Variants in SPTBN1 observed in about 807,000 individuals in gnomAD.
SPTBN1 encodes the protein spectrin beta, non-erythrocytic 1.
SPTBN1 carries 32 observed loss-of-function variants against 266.4 expected under a neutral mutation model. The ratio of observed to expected loss-of-function variants is 0.12; its 90% CI spans 0.09 to 0.16. The LOEUF (loss-of-function observed/expected upper bound fraction) is 0.16. SPTBN1 is among the 10% of genes least tolerant of loss of function. The pLI is 1.00. For missense variants in SPTBN1, 2,296 were observed against 3,067.1 expected, an observed-to-expected ratio of 0.75 and a Z score of 5.94; for synonymous variants, 1,336 against 1,162.2, an observed-to-expected ratio of 1.15 and a Z score of -3.04.
At chr2:54,632,432 A>T in intron 16 of SPTBN1, 134 bp from the exon 17 acceptor site, 1 of 992,108 alleles carries the variant, frequency 1.0e-6, no homozygotes, top group Non-Finnish European at 1.5e-6. Flanking sequence ...CTAACTTTTA[A>T]TTTGATGTGA....
intron 2 of SPTBN1, among the ~76,000 whole-genome samples, chr2:54,578,744 G>A (rs982839039): frequency 3.7e-5 from 5 of 134,144 alleles, no homozygotes; most frequent in African/African-American, 1.6e-4. Context: ...AGTGTCTTCT[G>A]ATGGGGTGTG....
chr2:54,524,326 A>G (rs1488114701), intron 1 of SPTBN1, among the ~76,000 whole-genome samples: 1 of 152,172 alleles, frequency 6.6e-6, no homozygotes, highest in African/African-American at 2.4e-5. Context: ...ATAGCTTCAT[A>G]TGCCTGACTG....
rs192131700 is a variant in SPTBN1, at chr2:54,557,734, C to T, written c.148+31168C>T. The T allele has an allele frequency of 3.7e-5, 36 of 985,434 alleles. 1 individual carries two copies. In the Admixed American group the frequency reaches 4.9e-4, roughly 13 times the overall value. 61.0% of individuals were successfully genotyped at this position (985,434 alleles called of 1,614,324 possible). A position where few individuals can be genotyped will look rare whatever the true frequency, so the allele number is the denominator to read the frequency against. Reference sequence around the variant, plus strand: ...CCATAAATCTTCCTTGCGTCGAATTCCTATCATAGGCCCGTGTTATTCCAG... The same window carrying T: ...CCATAAATCTTCCTTGCGTCGAATTTCTATCATAGGCCCGTGTTATTCCAG... On this transcript the variant is annotated intron_variant, in intron 2 of 35. Transcript: ENST00000356805.
At chr2:54,546,445 C>G (rs979106356) in intron 2 of SPTBN1, 1 of 152,178 alleles carries the variant, frequency 6.6e-6, no homozygotes, top group Non-Finnish European at 1.5e-5. Context: ...TACACACACT[C>G]CTAAGTTGTG....
At chr2:54,594,886 G>A (rs930412475) in intron 2 of SPTBN1, among the ~76,000 whole-genome samples, 2 of 135,030 alleles carry the variant, frequency 1.5e-5, no homozygotes, top group Admixed American at 7.9e-5. Context: ...CAAGGCTGGA[G>A]TGCAATGGCA....
chr2:54,536,165 C>T (rs907816938), intron 2 of SPTBN1, among the ~76,000 whole-genome samples: 19 of 152,180 alleles, frequency 1.2e-4, no homozygotes, highest in African/African-American at 4.3e-4. Context: ...CAGTTAACCC[C>T]TTTGCCAGTT....
intron 9 of SPTBN1, 85 bp from the exon 10 acceptor site, chr2:54,623,394 C>G (rs1005687874): frequency 4.2e-6 from 5 of 1,186,454 alleles, no homozygotes; most frequent in Non-Finnish European, 6.3e-6. Flanking sequence ...GTAAGTCAGA[C>G]CAGAGTTAAA....
intron 2 of SPTBN1, chr2:54,529,492 C>T (rs756640807): frequency 8.4e-6 from 6 of 715,378 alleles, no homozygotes; most frequent in Admixed American, 1.7e-5. Context: ...TCCAGCGGCC[C>T]AAGACACTGA....
intron 2 of SPTBN1, among the ~76,000 whole-genome samples, chr2:54,565,543 A>T (rs1002414776): frequency 1.3e-5 from 2 of 152,192 alleles, no homozygotes; most frequent in African/African-American, 4.8e-5. Context: ...AAATAGAGAT[A>T]AACCTAATAG....
Position 54,664,570 on chromosome 2 carries a change from C to T in SPTBN1, c.6538C>T (p.Leu2180Phe). The T allele has an allele frequency of 1.2e-6, 2 of 1,614,194 alleles. No individual in the cohort carries two copies. Residue 2180 changes from leucine (L) to phenylalanine (F), a missense_variant, in exon 33 of 36, where the codon CTC becomes TTC. Transcript: ENST00000356805. This position sits in a 1 kb window ranked among gnomAD's most constrained non-coding sequence, Gnocchi z 5.6. ...CTCTGATCGTAAAGCCAAGACTGCC[C>T]TCCCAGCCCAGAGTGCCGCCACCTT... The part of the protein sequence containing the change: ...PTSDRKAKTA[L>F]PAQSAATLPA...
At chr2:54,495,657 G>A (rs915003474) in intron 1 of SPTBN1, among the ~76,000 whole-genome samples, 3 of 112,686 alleles carry the variant, frequency 2.7e-5, no homozygotes, top group African/African-American at 7.7e-5. Flanking sequence ...AACAAAATTA[G>A]AATCATAATT....
intron 2 of SPTBN1, among the ~76,000 whole-genome samples, chr2:54,594,509 G>A (rs1189537031): frequency 6.6e-6 from 1 of 152,164 alleles, no homozygotes; most frequent in African/African-American, 2.4e-5. Context: ...AGCATAAGGA[G>A]TTTGGTTTCT....
intron 2 of SPTBN1, among the ~76,000 whole-genome samples, chr2:54,586,074 A>G (rs1675270348): frequency 1.3e-5 from 2 of 152,222 alleles, no homozygotes; most frequent in African/African-American, 4.8e-5. Context: ...GCTTGTCAGT[A>G]TAAAATTATA....
In SPTBN1 at chr2:54,462,970, C is replaced by T. The variant is rs532512640; in HGVS notation, c.-48+6452C>T. Among the ~76,000 whole-genome samples the T allele has an allele frequency of 2.6e-5, 4 of 152,344 alleles. No homozygotes were observed. In the South Asian group the frequency reaches 8.3e-4, roughly 32 times the overall value. ...TTAAATCTGGCATTCAGTTTTTAAG[C>T]TCCTGTACACTTCTAAATTCTGTGA... On this transcript the variant is annotated intron_variant, in intron 1 of 35. Coordinates refer to ENST00000356805, the MANE Select transcript of SPTBN1 (RefSeq NM_003128.3).
chr2:54,639,200 A>T (rs1383849394), intron 18 of SPTBN1, among the ~76,000 whole-genome samples: 1 of 152,214 alleles, frequency 6.6e-6, no homozygotes, highest in Non-Finnish European at 1.5e-5. Flanking sequence ...CATAGAAGAG[A>T]GTAATGGGAT....
intron 2 of SPTBN1, among the ~76,000 whole-genome samples, chr2:54,593,885 G>T (rs1294024657): frequency 7.1e-6 from 1 of 140,272 alleles, no homozygotes; most frequent in African/African-American, 2.6e-5. Flanking sequence ...CCAGGCTGGA[G>T]TGCGGTGGCA....
intron 2 of SPTBN1, among the ~76,000 whole-genome samples, chr2:54,577,743 C>T (rs933328204): frequency 7.2e-5 from 11 of 152,232 alleles, no homozygotes; most frequent in Admixed American, 2.6e-4. Context: ...TTCCAACCCA[C>T]GCAGTGCGCT....
At chr2:54,602,167 A>T (rs1366789704) in intron 3 of SPTBN1, among the ~76,000 whole-genome samples, 6 of 152,208 alleles carry the variant, frequency 3.9e-5, no homozygotes, top group Admixed American at 3.3e-4. Flanking sequence ...TTCTGAGTTC[A>T]CTATAGTCTA....
chr2:54,647,276 A>G lies in SPTBN1; in HGVS notation c.4997+15A>G, dbSNP rs1165701448. On this transcript the variant is annotated intron_variant, in intron 24 of 35. Coordinates refer to ENST00000356805, the MANE Select transcript of SPTBN1 (RefSeq NM_003128.3). ...CATCCTGAAAGGTGAGCGCTGCTTCATGAGTGTGAGACCCGGCTCTCGATT... is the reference window on the plus strand; with the variant it reads ...CATCCTGAAAGGTGAGCGCTGCTTCGTGAGTGTGAGACCCGGCTCTCGATT... The G allele has an allele frequency of 1.9e-6, 3 of 1,613,258 alleles. No individual in the cohort carries two copies. The highest frequency in any genetic ancestry group is 1.3e-5 in the African/African-American group (1 of 75,040).
Sources: allele counts gnomAD v4.1 joint callset (sites outside exome capture counted in the v4.1 genomes callset), GRCh38; gene constraint gnomAD v4.1.1; non-coding constraint Gnocchi (gnomAD v3.1); transcripts MANE v1.5; gene names NCBI Gene and HGNC (gene_info 2026-07-23, HGNC 2026-07-21).